Variants in RBMS1 observed in about 807,000 individuals in gnomAD.
The protein encoded by RBMS1 is RNA-binding motif, single-stranded-interacting protein 1.
RBMS1 carries 17 observed loss-of-function variants against 62.3 expected under a neutral mutation model. That is an observed-to-expected ratio of 0.27 (90% CI 0.19 to 0.41). The LOEUF (loss-of-function observed/expected upper bound fraction) is 0.41. Ranked by LOEUF, RBMS1 falls within the 10% of genes least tolerant of loss-of-function variation. The probability of loss-of-function intolerance (pLI) is 1.00; values close to 1 mark genes in which losing one functional copy is unlikely to be tolerated. For missense variants in RBMS1, 334 were observed against 504.5 expected, an observed-to-expected ratio of 0.66 and a Z score of 3.24; for synonymous variants, 172 against 170.0, an observed-to-expected ratio of 1.01 and a Z score of -0.09.
intron 1 of RBMS1, among the ~76,000 whole-genome samples, chr2:160,393,158 C>A (rs933686842): frequency 3.3e-5 from 5 of 152,066 alleles, no homozygotes; most frequent in African/African-American, 9.7e-5. Flanking sequence ...CACAAAACAG[C>A]CCATTGAGAA....
chr2:160,392,574 A>G (rs745946508), intron 1 of RBMS1, among the ~76,000 whole-genome samples: 6 of 152,152 alleles, frequency 3.9e-5, no homozygotes, highest in Admixed American at 6.5e-5. Context: ...CAATTCCATT[A>G]GTACTATTTT....
intron 3 of RBMS1, among the ~76,000 whole-genome samples, chr2:160,314,428 C>A (rs1336727563): frequency 6.6e-6 from 1 of 152,106 alleles, no homozygotes; most frequent in African/African-American, 2.4e-5. Context: ...CTAGCCCTAT[C>A]ATTTACTTAC....
At chr2:160,318,945 G>T (rs1297960454) in intron 2 of RBMS1, among the ~76,000 whole-genome samples, 2 of 151,856 alleles carry the variant, frequency 1.3e-5, no homozygotes, top group South Asian at 2.1e-4. Flanking sequence ...AATTAATCAG[G>T]GATTAATCAT....
intron 1 of RBMS1, among the ~76,000 whole-genome samples, chr2:160,375,422 G>A (rs1023016480): frequency 2.0e-5 from 3 of 152,108 alleles, no homozygotes; most frequent in Non-Finnish European, 4.4e-5. Context: ...AGGAACAAAT[G>A]TAAAACAAAA....
Position 160,367,349 on chromosome 2 carries a change from T to C in RBMS1, c.118A>G (p.Ser40Gly). Residue 40 changes from serine (S) to glycine (G), a missense_variant, in exon 2 of 14, where the codon AGC becomes GGC. Physicochemically the swap from Ser to Gly is moderately conservative, Grantham distance 56. This residue lies in a region of RBMS1 where 150 missense variants were observed against 228.0 expected (regional missense o/e 0.66). Transcript: ENST00000348849. The part of the protein sequence containing the change: ...PAHPMAPPSP[S>G]TTSSNNNSSS... ...CTGTTGTTATTACTGCTGGTGGTGCTGGGACTGGGAGGGGCCATGGGGTGG... is the reference window on the plus strand; with the variant it reads ...CTGTTGTTATTACTGCTGGTGGTGCCGGGACTGGGAGGGGCCATGGGGTGG... 1 of 1,611,286 alleles carries C rather than the reference T, an allele frequency of 6.2e-7. No homozygotes were observed. The highest frequency in any genetic ancestry group is 8.5e-7 in the Non-Finnish European group (1 of 1,178,896).
chr2:160,406,660 T>A (rs1465745389), intron 1 of RBMS1, among the ~76,000 whole-genome samples: 3 of 152,244 alleles, frequency 2.0e-5, no homozygotes, highest in African/African-American at 7.2e-5. Flanking sequence ...TTGCTGCTGC[T>A]GAAAGGCTCT....
At chr2:160,280,199 T>C (rs951016176) in intron 10 of RBMS1, among the ~76,000 whole-genome samples, 1 of 152,152 alleles carries the variant, frequency 6.6e-6, no homozygotes, top group Non-Finnish European at 1.5e-5. Flanking sequence ...GGGACACAGA[T>C]TGCTATGGGC....
chr2:160,379,228 A>C (rs1694158189), intron 1 of RBMS1, among the ~76,000 whole-genome samples: 1 of 152,214 alleles, frequency 6.6e-6, no homozygotes, highest in Admixed American at 6.5e-5. Flanking sequence ...TCTTAAAAAA[A>C]AAAAAAAAAG....
chr2:160,448,346 C>G (rs956602195), intron 1 of RBMS1, among the ~76,000 whole-genome samples: 1 of 150,820 alleles, frequency 6.6e-6, no homozygotes, highest in African/African-American at 2.4e-5. Flanking sequence ...TGATGCCGAG[C>G]GGAGGCTGGA....
At chr2:160,407,974 C>T in intron 1 of RBMS1, 2 of 953,634 alleles carry the variant, frequency 2.1e-6, no homozygotes, top group Non-Finnish European at 2.5e-6. Context: ...CCACCCGCGC[C>T]TCCCCGCCCG....
intron 2 of RBMS1, among the ~76,000 whole-genome samples, chr2:160,322,224 C>G (rs1690599912): frequency 6.6e-6 from 1 of 152,158 alleles, no homozygotes; most frequent in African/African-American, 2.4e-5. Context: ...AGCATTACAC[C>G]TTGCCTGAAA....
intron 1 of RBMS1, among the ~76,000 whole-genome samples, chr2:160,437,595 T>C (rs997539646): frequency 6.6e-6 from 1 of 152,212 alleles, no homozygotes; most frequent in Admixed American, 6.5e-5. Flanking sequence ...CGTAGCAATA[T>C]GAACAAAGGC....
intron 2 of RBMS1, among the ~76,000 whole-genome samples, chr2:160,348,680 A>G (rs745974882): frequency 6.6e-6 from 1 of 152,154 alleles, no homozygotes; most frequent in Non-Finnish European, 1.5e-5. Context: ...AATCTATCAT[A>G]AGCAGCTCTT....
chr2:160,304,898 A>G (rs1689417594), intron 4 of RBMS1, among the ~76,000 whole-genome samples: 1 of 152,192 alleles, frequency 6.6e-6, no homozygotes, highest in East Asian at 1.9e-4. Flanking sequence ...GCTCTGTGCC[A>G]GGATGGAGTG....
chr2:160,379,821 T>C (rs1032606155), intron 1 of RBMS1, among the ~76,000 whole-genome samples: 1 of 152,194 alleles, frequency 6.6e-6, no homozygotes, highest in African/African-American at 2.4e-5. Context: ...TTGCTAGTTA[T>C]TGAAAATGTC....
intron 6 of RBMS1, among the ~76,000 whole-genome samples, chr2:160,287,627 G>A (rs778516128): frequency 1.3e-5 from 2 of 152,162 alleles, no homozygotes; most frequent in Non-Finnish European, 2.9e-5. Context: ...TAGGCTATAC[G>A]CCCCATGGGG....
chr2:160,415,221 A>G (rs1696169726), intron 1 of RBMS1, among the ~76,000 whole-genome samples: 1 of 152,206 alleles, frequency 6.6e-6, no homozygotes, highest in Non-Finnish European at 1.5e-5. Context: ...TGAATTTTCC[A>G]TGAATTATAG....
chr2:160,416,012 T>C (rs989253284), intron 1 of RBMS1: 9 of 151,310 alleles, frequency 5.9e-5, no homozygotes, highest in African/African-American at 1.9e-4. Context: ...TCAGGATACA[T>C]AGTTAAGAGT....
chr2:160,323,358 C>T (rs1394844527), intron 2 of RBMS1, among the ~76,000 whole-genome samples: 1 of 151,754 alleles, frequency 6.6e-6, no homozygotes, highest in Non-Finnish European at 1.5e-5. Flanking sequence ...CGCCTGTAGT[C>T]CCAGCTACTT....
Sources: gnomAD v4.1 joint callset for allele counts (sites outside exome capture counted in the v4.1 genomes callset) on GRCh38, gnomAD v4.1.1 for gene constraint, gnomAD v4.1.1 regional missense constraint, MANE v1.5 for transcripts, NCBI Gene and HGNC (gene_info 2026-07-23, HGNC 2026-07-21) for gene names.